The following KCNC1 variants were observed in gnomAD, a reference collection of about 807,000 sequenced individuals.
The protein encoded by KCNC1 is voltage-gated potassium channel KCNC1.
A neutral mutation model predicts 43.4 loss-of-function variants in KCNC1; 8 were observed. The observed-to-expected ratio is 0.18, with a 90% CI of 0.11 to 0.33. KCNC1 has a LOEUF of 0.33. Ranked by LOEUF, KCNC1 falls within the 10% of genes least tolerant of loss-of-function variation. The pLI, the probability that KCNC1 is intolerant of heterozygous loss-of-function variation, is 1.00. For synonymous variants in KCNC1, 361 were observed against 360.5 expected (o/e 1.00, Z -0.01); for missense variants, 420 against 836.0 (o/e 0.50, Z 6.14).
At position 17,736,394 on chromosome 11, in the gene KCNC1, CCGA is replaced by C. The variant is rs1440121117; in HGVS notation, c.398_400del (p.Asp133del). 1 of 1,610,322 alleles carries C rather than the reference CCGA, an allele frequency of 6.2e-7. No individual in the cohort carries two copies. Among genetic ancestry groups the C allele is most frequent in the Non-Finnish European group, 8.5e-7 (1 of 1,178,814 alleles). Reference sequence around the variant, plus strand: ...GGCGGCGCTCCTCTGGACAACAGCGCCGACGACGCGGACGCCGACGGCCCTGGC... The same window carrying C: ...GGCGGCGCTCCTCTGGACAACAGCGCCGACGCGGACGCCGACGGCCCTGGC... On this transcript the variant is annotated inframe_deletion, in exon 1 of 4. Transcript: ENST00000265969. This position sits in a 1 kb window ranked among gnomAD's most constrained non-coding sequence, Gnocchi z 9.3.
intron 2 of KCNC1, chr11:17,774,936 G>A (rs1485889389): frequency 3.0e-6 from 3 of 985,402 alleles, no homozygotes; most frequent in Non-Finnish European, 3.6e-6. Context: ...GTGAGACCCC[G>A]GCTATCCGCC....
intron 1 of KCNC1, among the ~76,000 whole-genome samples, chr11:17,747,605 G>A (rs1446120070): frequency 6.6e-6 from 1 of 152,176 alleles, no homozygotes; most frequent in East Asian, 1.9e-4. Flanking sequence ...TCTGAAGCTG[G>A]GCTGCTCCGC....
At position 17,772,606 on chromosome 11, in the gene KCNC1, A is replaced by G. The variant is rs1469710615; in HGVS notation, c.1504+8A>G. 1.4e-5 allele frequency: 22 copies of G among 1,610,304 alleles called. No individual in the cohort carries two copies. The highest frequency in any genetic ancestry group is 1.9e-5 in the Non-Finnish European group (22 of 1,177,544). ...TAGAAATTAACAGAGCAGGTAGGAA[A>G]CCTCTTAGAGGCATGTCGATCTGAC... On this transcript the variant is annotated splice_region_variant and intron_variant, in intron 2 of 3. Transcript: ENST00000265969.
chr11:17,778,813 G>A (rs1405269189), intron 2 of KCNC1, among the ~76,000 whole-genome samples: 2 of 149,096 alleles, frequency 1.3e-5, no homozygotes, highest in Admixed American at 6.7e-5. Context: ...AGAGTGACCC[G>A]CTTGGGTCTT....
rs1018559843 is a variant in KCNC1 at position 17,779,616 on chromosome 11, G to A, written c.1665G>A (p.Ala555=). 11 of 1,549,442 alleles carry A rather than the reference G, an allele frequency of 7.1e-6. No homozygotes were observed. Among genetic ancestry groups the A allele is most frequent in the African/African-American group, 2.7e-5 (2 of 72,884 alleles). Residue 555 remains alanine (A), a synonymous_variant, in exon 3 of 4, where the codon GCG becomes GCA. Transcript: ENST00000265969. This position sits in a 1 kb window ranked among gnomAD's most constrained non-coding sequence, Gnocchi z 7.2. ...PCFLLSTGEY[A]CPPGGGMRKD... is the part of the protein sequence containing the mutation. Reference sequence around the variant, plus strand: ...TCCTCTTATCAACCGGGGAGTACGCGTGCCCACCTGGTGGAGGAATGAGAA... The same window carrying A: ...TCCTCTTATCAACCGGGGAGTACGCATGCCCACCTGGTGGAGGAATGAGAA...
intron 2 of KCNC1, 165 bp downstream of exon 2, chr11:17,772,763 C>T (rs1254077684): frequency 1.3e-6 from 2 of 1,487,862 alleles, no homozygotes; most frequent in Admixed American, 4.8e-5. Flanking sequence ...TGCTGGGCGG[C>T]CAAATTCAGC....
chr11:17,743,877 C>A (rs935386654), intron 1 of KCNC1, among the ~76,000 whole-genome samples: 1 of 152,236 alleles, frequency 6.6e-6, no homozygotes, highest in African/African-American at 2.4e-5. Context: ...CTCCTGCCCT[C>A]GCTGACGTCA....
rs964732002 is a variant in KCNC1, at chr11:17,739,896, G to A, written c.570+3324G>A. ...GTGAGAGAGAGGTCCTGTGCATCCC[G>A]AGTGTGTGTGTGCTTGAGGAAGATG... On this transcript the variant is annotated intron_variant, in intron 1 of 3. Transcript: ENST00000265969. This position sits in a 1 kb window ranked among gnomAD's most constrained non-coding sequence, Gnocchi z 4.2. 6.6e-6 allele frequency among the ~76,000 whole-genome samples: 1 copy of A among 152,142 alleles called. No homozygotes were observed. Among genetic ancestry groups the A allele is most frequent in the African/African-American group, 2.4e-5 (1 of 41,428 alleles).
chr11:17,756,843 A>G (rs144492594), intron 1 of KCNC1, among the ~76,000 whole-genome samples: 27 of 152,352 alleles, frequency 1.8e-4, no homozygotes, highest in African/African-American at 6.3e-4. Flanking sequence ...GAAGATAAAC[A>G]GCTTTCTCCC....
In KCNC1 at chr11:17,779,576, G is replaced by A. The variant is rs1021551048; in HGVS notation, c.1625G>A (p.Arg542Lys). 4 of 1,551,592 alleles carry A rather than the reference G, an allele frequency of 2.6e-6. No homozygotes were observed. Residue 542 changes from arginine (R) to lysine (K), a missense_variant, in exon 3 of 4, where the codon AGA becomes AAA. This residue lies in a region of KCNC1 where 147 missense variants were observed against 176.1 expected (regional missense o/e 0.83). Transcript: ENST00000265969. This position sits in a 1 kb window ranked among gnomAD's most constrained non-coding sequence, Gnocchi z 7.2. ...LPFTRSGTRE[R>K]YGPCFLLSTG... ...TTTACGCGCTCGGGCACCCGCGAGA[G>A]ATACGGACCCTGCTTCCTCTTATCA...
At chr11:17,758,782 A>T (rs1027768239) in intron 1 of KCNC1, among the ~76,000 whole-genome samples, 6 of 152,360 alleles carry the variant, frequency 3.9e-5, no homozygotes, top group East Asian at 3.9e-4. Context: ...ACCATGCTAT[A>T]AATAGATGTG....
chr11:17,752,897 TGCC>T (rs1565157495), intron 1 of KCNC1, among the ~76,000 whole-genome samples: 1 of 152,232 alleles, frequency 6.6e-6, no homozygotes, highest in East Asian at 1.9e-4. Flanking sequence ...ACCTACTGTG[TGCC>T]CAGTTCTGCA....
chr11:17,777,257 C>A lies in KCNC1; in HGVS notation c.1505-2199C>A. The A allele has an allele frequency of 2.0e-6, 2 of 985,906 alleles. No individual in the cohort carries two copies. Among genetic ancestry groups the A allele is most frequent in the Non-Finnish European group, 2.4e-6 (2 of 830,042 alleles). 61.1% of individuals were successfully genotyped at this position (985,906 alleles called of 1,614,324 possible). On this transcript the variant is annotated intron_variant, in intron 2 of 3. Transcript: ENST00000265969. This position sits in a 1 kb window ranked among gnomAD's most constrained non-coding sequence, Gnocchi z 4.3. ...GCAGAGGCAGAGAGAAGGCACCCCC[C>A]TCTGACCCACCCCTCCCCAGGCAAG...
intron 1 of KCNC1, among the ~76,000 whole-genome samples, chr11:17,760,009 C>T (rs1452348940): frequency 1.3e-5 from 2 of 152,162 alleles, no homozygotes; most frequent in Non-Finnish European, 2.9e-5. Flanking sequence ...CTATATGGAG[C>T]GCCTTCCTAC....
At position 17,736,156 on chromosome 11, in the gene KCNC1, G is replaced by C; in HGVS notation, c.154G>C (p.Ala52Pro). The C allele has an allele frequency of 6.2e-7, 1 of 1,613,450 alleles. No individual in the cohort carries two copies. Among genetic ancestry groups the C allele is most frequent in the Non-Finnish European group, 8.5e-7 (1 of 1,179,744 alleles). ...CAGCCACTTCGACTATGACCCGCGTGCTGACGAGTTCTTCTTCGACCGCCA... is the reference window on the plus strand; with the variant it reads ...CAGCCACTTCGACTATGACCCGCGTCCTGACGAGTTCTTCTTCGACCGCCA... Reference protein sequence around the residue: ...AHSHFDYDPRADEFFFDRHPG... With the variant: ...AHSHFDYDPRPDEFFFDRHPG... The change falls in exon 1 of 4, where the codon GCT becomes CCT. Residue 52 changes from alanine to proline, a missense_variant. Around this residue, in one of 5 missense-constraint regions of KCNC1, gnomAD observed 42 missense variants for 81.5 expected, o/e 0.52. Coordinates refer to ENST00000265969, the MANE Select transcript of KCNC1 (RefSeq NM_001112741.2). This position sits in a 1 kb window ranked among gnomAD's most constrained non-coding sequence, Gnocchi z 9.3.
chr11:17,751,895 C>A (rs1229830862), intron 1 of KCNC1, among the ~76,000 whole-genome samples: 1 of 152,118 alleles, frequency 6.6e-6, no homozygotes, highest in African/African-American at 2.4e-5. Context: ...TCCTCAGGTC[C>A]CCAGCCTTGG....
chr11:17,761,656 A>C (rs1849080121), intron 1 of KCNC1, among the ~76,000 whole-genome samples: 1 of 152,166 alleles, frequency 6.6e-6, no homozygotes, highest in Admixed American at 6.5e-5. Flanking sequence ...TCCTTCCACC[A>C]TGTGGCCTAC....
chr11:17,736,302 C>A lies in KCNC1; in HGVS notation c.300C>A (p.Asp100Glu), dbSNP rs1848765051. 1 of 1,613,216 alleles carries A rather than the reference C, an allele frequency of 6.2e-7. No homozygotes were observed. Among genetic ancestry groups the A allele is most frequent in the African/African-American group, 1.3e-5 (1 of 74,916 alleles). ...ELAFWGIDETDVEPCCWMTYR... is the reference protein window; with the variant it reads ...ELAFWGIDETEVEPCCWMTYR... ...CCTTCTGGGGCATCGACGAGACCGA[C>A]GTGGAGCCCTGCTGCTGGATGACGT... Residue 100 changes from aspartate (D) to glutamate (E), a missense_variant, in exon 1 of 4, where the codon GAC becomes GAA. This residue lies in a region of KCNC1 where 22 missense variants were observed against 104.8 expected (regional missense o/e 0.21). Transcript: ENST00000265969. This position sits in a 1 kb window ranked among gnomAD's most constrained non-coding sequence, Gnocchi z 9.3.
intron 2 of KCNC1, chr11:17,775,679 T>A (rs1251586112): frequency 1.0e-6 from 1 of 985,606 alleles, no homozygotes; most frequent in Non-Finnish European, 1.2e-6. Context: ...GCATGTGTCT[T>A]GTCCATCTCC....
Sources: gnomAD v4.1 joint callset for allele counts (sites outside exome capture counted in the v4.1 genomes callset) on GRCh38, gnomAD v4.1.1 for gene constraint, gnomAD v4.1.1 regional missense constraint, Gnocchi (gnomAD v3.1) non-coding constraint, MANE v1.5 for transcripts, NCBI Gene and HGNC (gene_info 2026-07-23, HGNC 2026-07-21) for gene names.